Variants in DCC observed in about 807,000 individuals in gnomAD.
DCC encodes netrin receptor DCC.
A neutral mutation model predicts 172.5 loss-of-function variants in DCC; 58 were observed. The ratio of observed to expected loss-of-function variants is 0.34; its 90% CI spans 0.27 to 0.42. DCC has a LOEUF of 0.42. DCC is among the 10% of genes least tolerant of loss of function. The pLI, the probability that DCC is intolerant of heterozygous loss-of-function variation, is 1.00. For synonymous variants in DCC, 709 were observed against 644.5 expected, an observed-to-expected ratio of 1.10 and a Z score of -1.52; for missense variants, 1,740 against 1,791.0, an observed-to-expected ratio of 0.97 and a Z score of 0.51.
chr18:53,353,408 CA>C (rs2057835647), intron 15 of DCC, among the ~76,000 whole-genome samples: 1 of 24,500 alleles, frequency 4.1e-5, no homozygotes, highest in African/African-American at 9.8e-5. Context: ...TGAGCTAAGA[CA>C]AAAATAGATA....
intron 2 of DCC, among the ~76,000 whole-genome samples, chr18:52,769,807 T>A (rs190857108): frequency 1.4e-4 from 21 of 152,234 alleles, no homozygotes; most frequent in African/African-American, 4.8e-4. Flanking sequence ...TGCATGATGA[T>A]GTCCAGTTGT....
intron 1 of DCC, among the ~76,000 whole-genome samples, chr18:52,508,442 T>A (rs2031315666): frequency 6.6e-6 from 1 of 152,332 alleles, no homozygotes; most frequent in East Asian, 1.9e-4. Flanking sequence ...TTACACAGCA[T>A]GCCTTTATAT....
intron 1 of DCC, among the ~76,000 whole-genome samples, chr18:52,714,455 C>T (rs764830783): frequency 7.2e-5 from 11 of 152,090 alleles, no homozygotes; most frequent in Non-Finnish European, 1.3e-4. Flanking sequence ...CTCTGTAATA[C>T]TTTTTAAATG....
At chr18:52,898,397 T>G (rs905434401) in intron 2 of DCC, among the ~76,000 whole-genome samples, 1 of 152,136 alleles carries the variant, frequency 6.6e-6, no homozygotes, top group Admixed American at 6.5e-5. Context: ...AGGAGAGACC[T>G]CCCTAGAGGC....
chr18:53,230,713 T>C (rs1254398402), intron 12 of DCC, among the ~76,000 whole-genome samples: 2 of 151,998 alleles, frequency 1.3e-5, no homozygotes, highest in Non-Finnish European at 2.9e-5. Flanking sequence ...AGGGAGCAAA[T>C]GCTGGCCTTA....
intron 15 of DCC, among the ~76,000 whole-genome samples, chr18:53,370,691 T>C (rs964640322): frequency 1.3e-5 from 2 of 151,882 alleles, no homozygotes; most frequent in Non-Finnish European, 2.9e-5. Flanking sequence ...CTGTTATTGA[T>C]TTATAACTTC....
At chr18:52,529,604 G>T (rs1422332919) in intron 1 of DCC, among the ~76,000 whole-genome samples, 1 of 152,188 alleles carries the variant, frequency 6.6e-6, no homozygotes, top group Non-Finnish European at 1.5e-5. Context: ...GCTGTTTACT[G>T]CAGTAACACG....
chr18:52,566,966 C>T lies in DCC; in HGVS notation c.92-185088C>T, dbSNP rs188599646. 8.5e-5 allele frequency among the ~76,000 whole-genome samples: 13 copies of T among 152,182 alleles called. No homozygotes were observed. The East Asian group carries it at 2.3e-3, about 27-fold the overall frequency. On this transcript the variant is annotated intron_variant, in intron 1 of 28. Coordinates refer to ENST00000442544, the MANE Select transcript of DCC (RefSeq NM_005215.4). The stretch of plus-strand genomic sequence containing the variant: ...TGCCTAAACCCATGTAATAGCATAG[C>T]AGCAAAAAGCAGGGACTTTTCATGC...
chr18:52,719,394 T>C (rs2036438549), intron 1 of DCC, among the ~76,000 whole-genome samples: 1 of 152,000 alleles, frequency 6.6e-6, no homozygotes, highest in African/African-American at 2.4e-5. Context: ...AAAGTGAGTG[T>C]TGAGAGAATA....
chr18:53,252,879 G>A (rs1257290588), intron 12 of DCC, among the ~76,000 whole-genome samples: 1 of 151,928 alleles, frequency 6.6e-6, no homozygotes, highest in Non-Finnish European at 1.5e-5. Flanking sequence ...TATTTTGACT[G>A]CATCCAATGC....
intron 12 of DCC, among the ~76,000 whole-genome samples, chr18:53,252,199 C>T (rs375963838): frequency 2.6e-4 from 40 of 152,026 alleles, no homozygotes; most frequent in African/African-American, 8.2e-4. Flanking sequence ...TTGCAAGAAA[C>T]CCCTTGAAAT....
chr18:52,616,335 A>G lies in DCC; in HGVS notation c.92-135719A>G, dbSNP rs1018361287. On this transcript the variant is annotated intron_variant, in intron 1 of 28. Transcript: ENST00000442544. Reference sequence around the variant, plus strand: ...TCCGTTTTGGTTAGACGGGACTATCATATTTTAATACCTGAAAGTGAATCA... The same window carrying G: ...TCCGTTTTGGTTAGACGGGACTATCGTATTTTAATACCTGAAAGTGAATCA... Among the ~76,000 whole-genome samples, 3 of 152,100 alleles carry G rather than the reference A, an allele frequency of 2.0e-5. No homozygotes were observed. The East Asian group carries it at 5.8e-4, about 29-fold the overall frequency.
intron 2 of DCC, among the ~76,000 whole-genome samples, chr18:52,767,897 C>T (rs78116615): frequency 0.017 from 2,517 of 152,270 alleles, 41 homozygotes; most frequent in Middle Eastern, 0.051. Flanking sequence ...TAATGCCTCC[C>T]CAGTAAGCAT....
chr18:52,525,383 C>A (rs974232835), intron 1 of DCC, among the ~76,000 whole-genome samples: 2 of 152,198 alleles, frequency 1.3e-5, no homozygotes, highest in South Asian at 4.1e-4. Context: ...CTACTCCTAC[C>A]CATCTGTAGC....
In DCC at chr18:53,292,633, G is replaced by A. The variant is rs968628801; in HGVS notation, c.1912-12945G>A. 2.6e-5 allele frequency among the ~76,000 whole-genome samples: 4 copies of A among 152,338 alleles called. No individual in the cohort carries two copies. In the East Asian group the frequency reaches 7.7e-4, roughly 29 times the overall value. On this transcript the variant is annotated intron_variant, in intron 12 of 28. Coordinates refer to ENST00000442544, the MANE Select transcript of DCC (RefSeq NM_005215.4). ...GAACCCGGGAGGTGGAGCTTGCAGTGAGCCGAGATCGTGCCACTGCACTCC... is the reference window on the plus strand; with the variant it reads ...GAACCCGGGAGGTGGAGCTTGCAGTAAGCCGAGATCGTGCCACTGCACTCC...
intron 1 of DCC, among the ~76,000 whole-genome samples, chr18:52,655,988 A>ATATACATGTGTG (rs2035237393): frequency 8.5e-6 from 1 of 117,036 alleles, no homozygotes; most frequent in Non-Finnish European, 1.8e-5. Context: ...GTGTGTGTGT[A>ATATACATGTGTG]TATATATATG....
intron 25 of DCC, among the ~76,000 whole-genome samples, chr18:53,485,357 C>T (rs553420964): frequency 4.6e-5 from 7 of 151,974 alleles, no homozygotes; most frequent in African/African-American, 1.7e-4. Context: ...AGAACAAAAA[C>T]CCAATAAAAC....
At chr18:53,347,694 A>C (rs2057741060) in intron 15 of DCC, among the ~76,000 whole-genome samples, 1 of 152,202 alleles carries the variant, frequency 6.6e-6, no homozygotes, top group Non-Finnish European at 1.5e-5. Flanking sequence ...TACAAAAGAA[A>C]GAGGTTTAAT....
At chr18:53,252,729 T>G (rs544853274) in intron 12 of DCC, among the ~76,000 whole-genome samples, 32 of 152,054 alleles carry the variant, frequency 2.1e-4, no homozygotes, top group Non-Finnish European at 4.3e-4. Flanking sequence ...CTTGTCTATC[T>G]GGAGAGCGGA....
Sources: gnomAD v4.1 joint callset for allele counts (sites outside exome capture counted in the v4.1 genomes callset) on GRCh38, gnomAD v4.1.1 for gene constraint, MANE v1.5 for transcripts, NCBI Gene and HGNC (gene_info 2026-07-23, HGNC 2026-07-21) for gene names.